The following BICD1 variants were observed in gnomAD, a reference collection of about 807,000 sequenced individuals.
BICD1 encodes BICD cargo adaptor 1.
Under a neutral mutation model 92.5 loss-of-function variants are expected in BICD1, and 35 were observed. The ratio of observed to expected loss-of-function variants is 0.38; its 90% CI spans 0.29 to 0.50. The LOEUF is 0.50. BICD1 is among the 20% of genes least tolerant of loss of function. BICD1 has a pLI of 0.93. For synonymous variants in BICD1, 429 were observed against 465.1 expected (o/e 0.92, Z 1.00); for missense variants, 950 against 1,189.8 (o/e 0.80, Z 2.97).
At chr12:32,282,199 C>A (rs1377670077) in intron 2 of BICD1, among the ~76,000 whole-genome samples, 1 of 69,018 alleles carries the variant, frequency 1.4e-5, no homozygotes, top group East Asian at 3.5e-4. Context: ...TTCAGGTCTT[C>A]TTCTTTTTTT....
chr12:32,178,261 C>T (rs16919420), intron 1 of BICD1, among the ~76,000 whole-genome samples: 23,965 of 151,846 alleles, frequency 0.16, 2,841 homozygotes, highest in African/African-American at 0.32. Flanking sequence ...ATGAAGAGAT[C>T]ACCGTTGAAC....
chr12:32,110,225 C>T (rs1941634958), intron 1 of BICD1, among the ~76,000 whole-genome samples: 1 of 152,130 alleles, frequency 6.6e-6, no homozygotes, highest in Non-Finnish European at 1.5e-5. Context: ...GACAATAATG[C>T]AAGTCGGCAG....
intron 8 of BICD1, among the ~76,000 whole-genome samples, chr12:32,346,986 T>C (rs1380429748): frequency 6.6e-6 from 1 of 150,610 alleles, no homozygotes; most frequent in African/African-American, 2.4e-5. Flanking sequence ...AATCTTGCTC[T>C]TGTTGCCCAG....
intron 4 of BICD1, among the ~76,000 whole-genome samples, chr12:32,326,980 G>A (rs1002565936): frequency 6.6e-6 from 1 of 152,172 alleles, no homozygotes; most frequent in South Asian, 2.1e-4. Flanking sequence ...ATTATTTAGG[G>A]AGTTAAAGCC....
chr12:32,135,054 CCATT>C (rs1942681328), intron 1 of BICD1, among the ~76,000 whole-genome samples: 1 of 105,928 alleles, frequency 9.4e-6, no homozygotes, highest in African/African-American at 3.3e-5. Context: ...CTCCTCCCCT[CCATT>C]CCCCTCCCCT....
chr12:32,312,875 G>A (rs1224369645), intron 4 of BICD1, among the ~76,000 whole-genome samples: 1 of 152,000 alleles, frequency 6.6e-6, no homozygotes, highest in Non-Finnish European at 1.5e-5. Flanking sequence ...TTGGTTTTTT[G>A]GTGCCCTCAA....
intron 1 of BICD1, among the ~76,000 whole-genome samples, chr12:32,138,572 G>A (rs61653322): frequency 0.042 from 6,368 of 152,092 alleles, 428 homozygotes; most frequent in African/African-American, 0.14. Context: ...GTGCCCACAC[G>A]TCTATTCTGT....
At position 32,113,331 on chromosome 12, in the gene BICD1, G is replaced by A. The variant is rs552071573; in HGVS notation, c.213+5787G>A. The stretch of plus-strand genomic sequence containing the variant: ...GAGGTGGTTCTATTTACAAAGGAAG[G>A]TATTATGGGGCAGAGCAGTTTTAGA... On this transcript the variant is annotated intron_variant, in intron 1 of 9. Coordinates refer to ENST00000652176, the MANE Select transcript of BICD1 (RefSeq NM_001714.4). 3.3e-5 allele frequency among the ~76,000 whole-genome samples: 5 copies of A among 152,282 alleles called. No individual in the cohort carries two copies. The East Asian group carries it at 5.8e-4, about 18-fold the overall frequency.
chr12:32,109,280 T>A (rs910835300), intron 1 of BICD1: 3 of 152,192 alleles, frequency 2.0e-5, no homozygotes, highest in African/African-American at 7.2e-5. Context: ...CATGAAATAT[T>A]TTATGAAAGA....
rs1455591928 is a variant in BICD1 at position 32,379,620 on chromosome 12, G to A, written c.*1993G>A. On this transcript the variant is annotated 3_prime_UTR_variant, in exon 10 of 10. Coordinates refer to ENST00000652176, the MANE Select transcript of BICD1 (RefSeq NM_001714.4). ...TAGTGAGACTGTGGATTTTATCAGAGTTCAATGAAAGAAAGCTTACCCCTG... is the reference window on the plus strand; with the variant it reads ...TAGTGAGACTGTGGATTTTATCAGAATTCAATGAAAGAAAGCTTACCCCTG... 6.6e-6 allele frequency: 1 copy of A among 152,152 alleles called. No homozygotes were observed. Among genetic ancestry groups the A allele is most frequent in the Non-Finnish European group, 1.5e-5 (1 of 68,032 alleles). The allele number at this position is 152,152 out of a possible 1,614,324, so 9.4% of individuals were successfully genotyped here. A position where few individuals can be genotyped will look rare whatever the true frequency, so the allele number is the denominator to read the frequency against.
chr12:32,131,158 C>T (rs1013401363), intron 1 of BICD1, among the ~76,000 whole-genome samples: 1 of 152,140 alleles, frequency 6.6e-6, no homozygotes, highest in African/African-American at 2.4e-5. Context: ...TAAATAAAAT[C>T]ATATTTTAAA....
At chr12:32,248,081 A>C (rs1946436388) in intron 2 of BICD1, among the ~76,000 whole-genome samples, 1 of 148,198 alleles carries the variant, frequency 6.7e-6, no homozygotes, top group Non-Finnish European at 1.5e-5. Context: ...AGACTCCATC[A>C]AACAAACAAA....
At chr12:32,231,151 C>A (rs1945874409) in intron 2 of BICD1, among the ~76,000 whole-genome samples, 1 of 152,072 alleles carries the variant, frequency 6.6e-6, no homozygotes, top group Admixed American at 6.6e-5. Flanking sequence ...ACAGGCATCT[C>A]CATAATCCCA....
chr12:32,134,572 A>C (rs1454259111), intron 1 of BICD1, among the ~76,000 whole-genome samples: 2 of 152,326 alleles, frequency 1.3e-5, no homozygotes, highest in Admixed American at 1.3e-4. Context: ...TTGGCTCATC[A>C]TGATGCTTAA....
At chr12:32,259,889 T>C (rs1020988425) in intron 2 of BICD1, among the ~76,000 whole-genome samples, 1 of 151,898 alleles carries the variant, frequency 6.6e-6, no homozygotes, top group Non-Finnish European at 1.5e-5. Flanking sequence ...TGTGTGTCTG[T>C]GGGCTGTTGT....
At chr12:32,354,366 A>G (rs1301015569) in intron 8 of BICD1, among the ~76,000 whole-genome samples, 1 of 152,188 alleles carries the variant, frequency 6.6e-6, no homozygotes, top group African/African-American at 2.4e-5. Flanking sequence ...TGAAGGAGGA[A>G]CCAGATGCTT....
At chr12:32,156,335 T>G (rs1041655107) in intron 1 of BICD1, among the ~76,000 whole-genome samples, 4 of 152,192 alleles carry the variant, frequency 2.6e-5, no homozygotes, top group African/African-American at 9.7e-5. Flanking sequence ...CTTGCCCTGC[T>G]TTGTCAGGGA....
intron 1 of BICD1, among the ~76,000 whole-genome samples, chr12:32,142,468 A>ATCTGTCTATCTATCTATCTATCTATCGG (rs1942969272): frequency 1.7e-5 from 2 of 117,054 alleles, no homozygotes; most frequent in African/African-American, 6.3e-5. Flanking sequence ...CTATCTATCT[A>ATCTGTCTATCTATCTATCTATCTATCGG]TCTATCTATC....
intron 2 of BICD1, among the ~76,000 whole-genome samples, chr12:32,266,477 C>T (rs949472104): frequency 6.6e-6 from 1 of 152,132 alleles, no homozygotes; most frequent in Non-Finnish European, 1.5e-5. Context: ...ATGTGAGCTG[C>T]CACAACATCA....
Sources: gnomAD v4.1 joint callset for allele counts (sites outside exome capture counted in the v4.1 genomes callset) on GRCh38, gnomAD v4.1.1 for gene constraint, MANE v1.5 for transcripts, NCBI Gene and HGNC (gene_info 2026-07-23, HGNC 2026-07-21) for gene names.